NRG1: variants seen among roughly 807,000 people sequenced by gnomAD.
NRG1 encodes the protein neuregulin 1, also known as pro-neuregulin-1, membrane-bound isoform.
Under a neutral mutation model 63.8 loss-of-function variants are expected in NRG1, and 18 were observed. The ratio of observed to expected loss-of-function variants is 0.28; its 90% CI spans 0.19 to 0.42. The LOEUF is 0.42. Among genes scored for constraint, NRG1 ranks in the 10% least tolerant of loss-of-function variants. The pLI, the probability that NRG1 is intolerant of heterozygous loss-of-function variation, is 1.00. For synonymous variants in NRG1, 302 were observed against 301.3 expected (o/e 1.00, Z -0.02); for missense variants, 762 against 814.7 (o/e 0.94, Z 0.79).
At chr8:31,656,477 A>T (rs1805446010) in intron 1 of NRG1, among the ~76,000 whole-genome samples, 1 of 152,174 alleles carries the variant, frequency 6.6e-6, no homozygotes, top group African/African-American at 2.4e-5. Flanking sequence ...CTATTTGCCA[A>T]CTTCCGGTTA....
At chr8:32,022,800 A>G (rs1242877885) in intron 1 of NRG1, among the ~76,000 whole-genome samples, 4 of 152,184 alleles carry the variant, frequency 2.6e-5, no homozygotes, top group African/African-American at 7.2e-5. Context: ...ATGAGTCCAC[A>G]ATACCTCAAT....
At chr8:32,665,552 A>G (rs1016138821) in intron 5 of NRG1, among the ~76,000 whole-genome samples, 4 of 152,162 alleles carry the variant, frequency 2.6e-5, no homozygotes, top group African/African-American at 9.7e-5. Context: ...TCTTTCATCC[A>G]TGTAATTTTG....
chr8:31,818,858 C>T (rs1227958056), intron 1 of NRG1, among the ~76,000 whole-genome samples: 6 of 152,080 alleles, frequency 3.9e-5, no homozygotes, highest in African/African-American at 1.4e-4. Flanking sequence ...GATATCGAGA[C>T]CATCCTGGCT....
At chr8:31,670,048 A>G (rs1015588906) in intron 1 of NRG1, among the ~76,000 whole-genome samples, 3 of 152,222 alleles carry the variant, frequency 2.0e-5, no homozygotes, top group Admixed American at 6.5e-5. Flanking sequence ...GGAAAATTTT[A>G]GGTCTCAGTT....
chr8:32,548,413 CG>C (rs1317619680), exon 1 of NRG1: 28 of 1,103,414 alleles, frequency 2.5e-5, no homozygotes, highest in Non-Finnish European at 2.9e-5. Context: ...TCTCCCCGAT[CG>C]GGTTGCGAGG....
intron 1 of NRG1, among the ~76,000 whole-genome samples, chr8:32,583,502 A>C (rs1437438185): frequency 6.6e-6 from 1 of 152,212 alleles, no homozygotes; most frequent in Non-Finnish European, 1.5e-5. Context: ...CAAAGAATCT[A>C]ATTAACCTTC....
At chr8:31,906,944 A>C (rs1197987915) in intron 1 of NRG1, among the ~76,000 whole-genome samples, 1 of 152,224 alleles carries the variant, frequency 6.6e-6, no homozygotes, top group Non-Finnish European at 1.5e-5. Flanking sequence ...AAAAATGTAC[A>C]GGAAAAGAAT....
At chr8:32,493,287 A>G (rs947542837) in intron 1 of NRG1, among the ~76,000 whole-genome samples, 10 of 152,158 alleles carry the variant, frequency 6.6e-5, no homozygotes, top group African/African-American at 2.4e-4. Context: ...TGAGGCCCCT[A>G]AGAAGAAAAA....
intron 6 of NRG1, among the ~76,000 whole-genome samples, chr8:32,729,830 A>G (rs1441436549): frequency 1.3e-5 from 2 of 152,120 alleles, no homozygotes; most frequent in Admixed American, 1.3e-4. Flanking sequence ...GCTGTGGTAG[A>G]TTGGGCGTGT....
chr8:31,954,428 CT>C (rs374120485), intron 1 of NRG1, among the ~76,000 whole-genome samples: 29 of 152,078 alleles, frequency 1.9e-4, no homozygotes, highest in African/African-American at 7.0e-4. Context: ...TGCTCAGAAA[CT>C]TTTTTTATTG....
intron 5 of NRG1, among the ~76,000 whole-genome samples, chr8:32,723,188 G>A (rs1441117405): frequency 6.6e-6 from 1 of 152,182 alleles, no homozygotes; most frequent in Non-Finnish European, 1.5e-5. Flanking sequence ...TCTAAGACAG[G>A]TAGATAGAGA....
intron 1 of NRG1, among the ~76,000 whole-genome samples, chr8:31,845,395 T>C (rs1307077862): frequency 1.3e-5 from 2 of 152,194 alleles, no homozygotes; most frequent in African/African-American, 4.8e-5. Context: ...TATTATGTTG[T>C]TTTCTAAGGG....
chr8:32,569,973 T>C (rs1482148789), intron 1 of NRG1, among the ~76,000 whole-genome samples: 1 of 150,080 alleles, frequency 6.7e-6, no homozygotes, highest in East Asian at 2.0e-4. Context: ...AGTGGCGCGA[T>C]CTTGGCTCAC....
At chr8:32,499,190 T>C (rs1270184348) in intron 1 of NRG1, among the ~76,000 whole-genome samples, 1 of 152,136 alleles carries the variant, frequency 6.6e-6, no homozygotes, top group East Asian at 1.9e-4. Flanking sequence ...CTTCAACAAT[T>C]GTATCTCATT....
intron 5 of NRG1, among the ~76,000 whole-genome samples, chr8:32,690,333 C>T (rs563893423): frequency 3.8e-4 from 58 of 152,106 alleles, no homozygotes; most frequent in Admixed American, 8.5e-4. Flanking sequence ...ACAGCAAGTC[C>T]CTTACCCCTG....
intron 1 of NRG1, among the ~76,000 whole-genome samples, chr8:31,892,775 T>C (rs549037626): frequency 3.5e-4 from 54 of 152,212 alleles, no homozygotes; most frequent in African/African-American, 1.2e-3. Flanking sequence ...ATCACCTCCC[T>C]GTAAAACACA....
At chr8:32,501,364 C>T (rs1160623461) in intron 1 of NRG1, among the ~76,000 whole-genome samples, 8 of 152,122 alleles carry the variant, frequency 5.3e-5, no homozygotes, top group African/African-American at 1.9e-4. Flanking sequence ...ACAAATATAA[C>T]CCAGGAATGG....
intron 1 of NRG1, among the ~76,000 whole-genome samples, chr8:32,509,493 G>A (rs1019474569): frequency 6.6e-6 from 1 of 152,300 alleles, no homozygotes. Flanking sequence ...GCTAGTGTCG[G>A]CAGCCTGAGG....
intron 1 of NRG1, among the ~76,000 whole-genome samples, chr8:32,230,077 G>C (rs187590057): frequency 8.2e-4 from 125 of 152,202 alleles, no homozygotes; most frequent in African/African-American, 2.9e-3. Context: ...ATATATTATT[G>C]TTAGTCAGGA....
Sources: gnomAD v4.1 joint callset for allele counts (sites outside exome capture counted in the v4.1 genomes callset) on GRCh38, gnomAD v4.1.1 for gene constraint, MANE v1.5 for transcripts, NCBI Gene and HGNC (gene_info 2026-07-23, HGNC 2026-07-21) for gene names.